The following STYK1 variants were observed in gnomAD, a reference collection of about 807,000 sequenced individuals.
STYK1 encodes STY kinase 1, also known as tyrosine-protein kinase STYK1.
Under a neutral mutation model 48.1 loss-of-function variants are expected in STYK1, and 46 were observed. That is an observed-to-expected ratio of 0.96 (90% CI 0.75 to 1.22). The LOEUF is 1.22. Ranked by LOEUF, STYK1 falls within the 50% of genes most tolerant of loss-of-function variation. The pLI is 0.00. For synonymous variants in STYK1, 188 were observed against 189.0 expected (o/e 0.99, Z 0.04); for missense variants, 527 against 521.1 (o/e 1.01, Z -0.11).
At chr12:10,626,574 A>G (rs186589709) in intron 7 of STYK1, among the ~76,000 whole-genome samples, 118 of 152,282 alleles carry the variant, frequency 7.7e-4, no homozygotes, top group Admixed American at 1.8e-3. Flanking sequence ...CAGAACCCCG[A>G]TTTTCCATAG....
chr12:10,630,191 G>A (rs1209733035), intron 5 of STYK1, among the ~76,000 whole-genome samples: 1 of 151,202 alleles, frequency 6.6e-6, no homozygotes, highest in Non-Finnish European at 1.5e-5. Context: ...TTCGAGACTG[G>A]CCTGGCCAAT....
At chr12:10,654,589 G>T (rs959048533) in intron 1 of STYK1, among the ~76,000 whole-genome samples, 4 of 152,170 alleles carry the variant, frequency 2.6e-5, no homozygotes, top group Admixed American at 2.6e-4. Flanking sequence ...TAAAGGATCA[G>T]ATTGGGTTAG....
chr12:10,620,456 T>C lies in STYK1; in HGVS notation c.1065-108A>G. 4 of 1,008,454 alleles carry C rather than the reference T, an allele frequency of 4.0e-6. No individual in the cohort carries two copies. In the East Asian group the frequency reaches 9.7e-5, roughly 24 times the overall value. 62.5% of individuals were successfully genotyped at this position (1,008,454 alleles called of 1,614,324 possible). A position where few individuals can be genotyped will look rare whatever the true frequency, so the allele number is the denominator to read the frequency against. On this transcript the variant is annotated intron_variant, in intron 10 of 10. Coordinates refer to ENST00000075503, the MANE Select transcript of STYK1 (RefSeq NM_018423.3). The stretch of plus-strand genomic sequence containing the variant: ...AAACAACTCTGCAATTCTTTAATTG[T>C]CTTCTGTTTGCCCTGTTACTCATAT...
chr12:10,671,614 C>A (rs1465342174), intron 1 of STYK1, among the ~76,000 whole-genome samples: 1 of 152,126 alleles, frequency 6.6e-6, no homozygotes, highest in Non-Finnish European at 1.5e-5. Context: ...GGAAACCTGC[C>A]CATCCATTTT....
chr12:10,669,509 G>T (rs2120829250), intron 1 of STYK1, among the ~76,000 whole-genome samples: 2 of 152,276 alleles, frequency 1.3e-5, no homozygotes, highest in Admixed American at 1.3e-4. Flanking sequence ...TTAAATGTAA[G>T]ATCTGACACT....
Position 10,656,991 on chromosome 12 carries a change from A to G in STYK1, c.-195+16975T>C, listed in dbSNP as rs145370401. The stretch of plus-strand genomic sequence containing the variant: ...AGGAAACATACTTTTAGGGATGGCT[A>G]ATGGAAGTTATGGGGGATACTTAAC... On this transcript the variant is annotated intron_variant, in intron 1 of 10. Transcript: ENST00000075503. Among the ~76,000 whole-genome samples the G allele has an allele frequency of 1.8e-3, 280 of 152,330 alleles. 2 individuals carry two copies. The highest frequency in any genetic ancestry group is 2.1e-3 in the Non-Finnish European group (143 of 68,024).
chr12:10,623,076 C>T (rs920774112), intron 8 of STYK1, among the ~76,000 whole-genome samples: 3 of 148,038 alleles, frequency 2.0e-5, no homozygotes, highest in African/African-American at 8.0e-5. Flanking sequence ...ATTCTTAGCA[C>T]AAATTCAACC....
intron 1 of STYK1, among the ~76,000 whole-genome samples, chr12:10,656,408 C>T (rs112789932): frequency 2.4e-4 from 37 of 152,148 alleles, no homozygotes; most frequent in African/African-American, 6.7e-4. Context: ...AGGTGGATCA[C>T]GAGGTCAGGA....
At chr12:10,658,380 C>G (rs1947741096) in intron 1 of STYK1, among the ~76,000 whole-genome samples, 2 of 152,032 alleles carry the variant, frequency 1.3e-5, no homozygotes, top group South Asian at 4.1e-4. Flanking sequence ...ATTTTGTTTG[C>G]CTTTTGAATA....
At chr12:10,634,721 G>A in intron 2 of STYK1, 35 bp from the exon 3 acceptor site, 3 of 1,344,272 alleles carry the variant, frequency 2.2e-6, no homozygotes, top group Admixed American at 2.0e-5. Context: ...AAAATAAAAT[G>A]AATGAAAAAA....
chr12:10,621,911 T>C lies in STYK1; in HGVS notation c.1029A>G (p.Lys343=). The part of the protein sequence containing the change: ...TSILEHLQRR[K]IMKRPSSCTH... ...TGCAGCTACTGGGTCTCTTCATGATTTTCCTTCTTTGGAGATGCTCTAGGA... is the reference window on the plus strand; with the variant it reads ...TGCAGCTACTGGGTCTCTTCATGATCTTCCTTCTTTGGAGATGCTCTAGGA... Residue 343 remains lysine, a synonymous_variant, in exon 10 of 11, where the codon AAA becomes AAG. Coordinates refer to ENST00000075503, the MANE Select transcript of STYK1 (RefSeq NM_018423.3). 4 of 1,613,996 alleles carry C rather than the reference T, an allele frequency of 2.5e-6. No homozygotes were observed. The highest frequency in any genetic ancestry group is 3.4e-6 in the Non-Finnish European group (4 of 1,179,870).
At chr12:10,623,174 T>C (rs1352808984) in intron 8 of STYK1, among the ~76,000 whole-genome samples, 1 of 151,882 alleles carries the variant, frequency 6.6e-6, no homozygotes, top group Non-Finnish European at 1.5e-5. Flanking sequence ...TTATATATAG[T>C]TGAAATAGGT....
rs1865912656 is a variant in STYK1 at position 10,621,896 on chromosome 12, G to A, written c.1044C>T (p.Pro348=). ...HLQRRKIMKR[P]SSCTHTMYSI... ...CTTACATGGTATGTGTGCAGCTACT[G>A]GGTCTCTTCATGATTTTCCTTCTTT... The change falls in exon 10 of 11, where the codon CCC becomes CCT. Residue 348 remains proline, a synonymous_variant. Transcript: ENST00000075503. 2 of 1,613,686 alleles carry A rather than the reference G, an allele frequency of 1.2e-6. No individual in the cohort carries two copies. Among genetic ancestry groups the A allele is most frequent in the African/African-American group, 2.7e-5 (2 of 74,880 alleles).
chr12:10,642,109 A>C (rs1947551737), intron 1 of STYK1, among the ~76,000 whole-genome samples: 1 of 152,222 alleles, frequency 6.6e-6, no homozygotes, highest in Admixed American at 6.5e-5. Context: ...ATGCCAATCA[A>C]TAAGTACCCT....
chr12:10,646,998 T>C (rs188260756), intron 1 of STYK1, among the ~76,000 whole-genome samples: 1 of 152,366 alleles, frequency 6.6e-6, no homozygotes, highest in Non-Finnish European at 1.5e-5. Context: ...AATGCCCAGA[T>C]GCCTATGCAA....
At chr12:10,654,114 A>G (rs1330616021) in intron 1 of STYK1, among the ~76,000 whole-genome samples, 1 of 152,208 alleles carries the variant, frequency 6.6e-6, no homozygotes, top group Non-Finnish European at 1.5e-5. Context: ...TTAGCATGCT[A>G]AGAGACACTC....
chr12:10,620,427 TAACA>T, intron 10 of STYK1, 79 bp from the exon 11 acceptor site: 1 of 1,341,856 alleles, frequency 7.5e-7, no homozygotes, highest in South Asian at 1.2e-5. Flanking sequence ...TCACAAACTT[TAACA>T]AACAACTCTG....
Position 10,624,638 on chromosome 12 carries a change from G to A in STYK1, c.926+13C>T. ...TGAAGAAAGTAAACTCAGAGTCCAG[G>A]AATAAACCGTACACATCTGCTCTGA... On this transcript the variant is annotated intron_variant, in intron 8 of 10. Transcript: ENST00000075503. 6.2e-7 allele frequency: 1 copy of A among 1,612,914 alleles called. No homozygotes were observed. The highest frequency in any genetic ancestry group is 1.3e-5 in the African/African-American group (1 of 75,002).
intron 1 of STYK1, among the ~76,000 whole-genome samples, chr12:10,645,929 C>T (rs1205480457): frequency 6.6e-6 from 1 of 152,218 alleles, no homozygotes; most frequent in African/African-American, 2.4e-5. Context: ...AGTTCTCTCT[C>T]TTTGCCTGCC....
Sources: gnomAD v4.1 joint callset for allele counts (sites outside exome capture counted in the v4.1 genomes callset) on GRCh38, gnomAD v4.1.1 for gene constraint, MANE v1.5 for transcripts, NCBI Gene and HGNC (gene_info 2026-07-23, HGNC 2026-07-21) for gene names.